Variants in MAGI1 observed in about 807,000 individuals in gnomAD.
The protein encoded by MAGI1 is membrane-associated guanylate kinase, WW and PDZ domain-containing protein 1.
In MAGI1, 58 loss-of-function variants were observed where a neutral mutation model predicts 139.9. The observed-to-expected ratio is 0.41, with a 90% CI of 0.34 to 0.52. The LOEUF is 0.52. Ranked by LOEUF, MAGI1 falls within the 20% of genes least tolerant of loss-of-function variation. MAGI1 has a pLI of 0.12. For missense variants in MAGI1, 1,874 were observed against 1,901.6 expected, an observed-to-expected ratio of 0.99 and a Z score of 0.27; for synonymous variants, 812 against 737.9, an observed-to-expected ratio of 1.10 and a Z score of -1.63.
chr3:65,571,787 C>T lies in MAGI1; in HGVS notation c.430+50185G>A, dbSNP rs192062845. ...CACTGGCCTCTGTGTTTGATTTTGT[C>T]CCATTAATAATGTGCACATGTATTA... On this transcript the variant is annotated intron_variant, in intron 2 of 22. Transcript: ENST00000402939. Among the ~76,000 whole-genome samples the T allele has an allele frequency of 3.0e-3, 457 of 151,992 alleles. 1 individual carries two copies. Among genetic ancestry groups the T allele is most frequent in the Non-Finnish European group, 5.5e-3 (375 of 67,960 alleles).
At chr3:65,864,510 GCGAGACGGCAGA>G in intron 1 of MAGI1, among the ~76,000 whole-genome samples, 1 of 152,372 alleles carries the variant, frequency 6.6e-6, no homozygotes, top group South Asian at 2.1e-4. Context: ...CCACCCGTCA[GCGAGACGGCAGA>G]CTCCATGTCA....
chr3:65,738,229 T>C (rs558677183), intron 1 of MAGI1, among the ~76,000 whole-genome samples: 2 of 152,358 alleles, frequency 1.3e-5, no homozygotes, highest in South Asian at 4.1e-4. Context: ...GTCACATAAA[T>C]TTTTTGGTTT....
chr3:65,524,398 C>T (rs1174087239), intron 2 of MAGI1, among the ~76,000 whole-genome samples: 1 of 152,196 alleles, frequency 6.6e-6, no homozygotes, highest in South Asian at 2.1e-4. Flanking sequence ...TAGAAAGTTT[C>T]TCTCACACAG....
At chr3:65,395,399 T>C (rs1209406683) in intron 13 of MAGI1, among the ~76,000 whole-genome samples, 2 of 151,774 alleles carry the variant, frequency 1.3e-5, no homozygotes, top group Admixed American at 6.6e-5. Context: ...CCCAGCACTT[T>C]GGGAGGCCGA....
intron 3 of MAGI1, among the ~76,000 whole-genome samples, chr3:65,486,862 T>C (rs1000974883): frequency 7.2e-5 from 11 of 152,186 alleles, no homozygotes; most frequent in Non-Finnish European, 1.0e-4. Flanking sequence ...ACCCCAATTA[T>C]AGTATTTTTT....
intron 1 of MAGI1, among the ~76,000 whole-genome samples, chr3:65,765,537 G>A (rs2037399098): frequency 1.3e-5 from 2 of 152,202 alleles, no homozygotes; most frequent in Non-Finnish European, 2.9e-5. Flanking sequence ...TTTAGCTAGA[G>A]AGTTGGAAGA....
At chr3:65,890,106 C>T (rs1327560282) in intron 1 of MAGI1, among the ~76,000 whole-genome samples, 1 of 134,498 alleles carries the variant, frequency 7.4e-6, no homozygotes, top group Non-Finnish European at 1.5e-5. Context: ...TGGCTCACGC[C>T]TGTAATCCCG....
chr3:65,640,165 T>G (rs1271952751), intron 1 of MAGI1, among the ~76,000 whole-genome samples: 1 of 151,948 alleles, frequency 6.6e-6, no homozygotes, highest in African/African-American at 2.4e-5. Context: ...GGTCTTGGGA[T>G]GTGCCAGTCT....
At chr3:66,027,319 A>T (rs902850107) in intron 1 of MAGI1, among the ~76,000 whole-genome samples, 1 of 151,458 alleles carries the variant, frequency 6.6e-6, no homozygotes, top group Admixed American at 6.6e-5. Context: ...TAAATAATAA[A>T]AAAAGAGAGG....
chr3:65,437,057 TG>T (rs1947906404), intron 10 of MAGI1, 97 bp downstream of exon 10: 4 of 647,766 alleles, frequency 6.2e-6, no homozygotes, highest in Non-Finnish European at 1.0e-5. Flanking sequence ...ATCAAAGGAA[TG>T]ACTTGGGAGT....
At position 65,875,990 on chromosome 3, in the gene MAGI1, C is replaced by A. The variant is rs567132610; in HGVS notation, c.313+162006G>T. ...AGTAAGAGGGAGGAAACCAAGCATTCGTTTTTTAAGGGACTGATGGATTCT... is the reference window on the plus strand; with the variant it reads ...AGTAAGAGGGAGGAAACCAAGCATTAGTTTTTTAAGGGACTGATGGATTCT... On this transcript the variant is annotated intron_variant, in intron 1 of 22. Coordinates refer to ENST00000402939, the MANE Select transcript of MAGI1 (RefSeq NM_001033057.2). Among the ~76,000 whole-genome samples, 4 of 152,110 alleles carry A rather than the reference C, an allele frequency of 2.6e-5. No homozygotes were observed. The South Asian group carries it at 8.3e-4, about 32-fold the overall frequency.
chr3:65,760,213 G>C (rs757859534), intron 1 of MAGI1, among the ~76,000 whole-genome samples: 2 of 151,330 alleles, frequency 1.3e-5, no homozygotes, highest in Non-Finnish European at 2.9e-5. Context: ...TCTATGTCTA[G>C]CTCACAGGAG....
chr3:65,714,997 G>A (rs1307854930), intron 1 of MAGI1, among the ~76,000 whole-genome samples: 1 of 151,450 alleles, frequency 6.6e-6, no homozygotes, highest in East Asian at 1.9e-4. Flanking sequence ...TGGTGACAAA[G>A]ATATAAGATG....
chr3:65,501,650 T>C (rs972415609), intron 2 of MAGI1, among the ~76,000 whole-genome samples: 1 of 152,052 alleles, frequency 6.6e-6, no homozygotes, highest in Non-Finnish European at 1.5e-5. Flanking sequence ...GTTTGGCAGT[T>C]AGTTAAAAAG....
intron 1 of MAGI1, among the ~76,000 whole-genome samples, chr3:65,696,754 G>C (rs1440678919): frequency 6.6e-6 from 1 of 151,924 alleles, no homozygotes; most frequent in Non-Finnish European, 1.5e-5. Flanking sequence ...ATATAATAAA[G>C]AAACAAGAAT....
intron 5 of MAGI1, among the ~76,000 whole-genome samples, chr3:65,465,505 G>T (rs548864327): frequency 6.6e-6 from 1 of 151,978 alleles, no homozygotes; most frequent in Non-Finnish European, 1.5e-5. Context: ...ATTTTCACTG[G>T]ATGTAGAATT....
intron 2 of MAGI1, among the ~76,000 whole-genome samples, chr3:65,533,100 T>C (rs1237710048): frequency 2.6e-5 from 4 of 152,152 alleles, no homozygotes; most frequent in African/African-American, 9.7e-5. Context: ...AGCTCCTGGA[T>C]TGCAAAAAGA....
rs908365454 is a variant in MAGI1, at chr3:65,574,566, A to T, written c.430+47406T>A. 3.9e-5 allele frequency among the ~76,000 whole-genome samples: 6 copies of T among 152,100 alleles called. No individual in the cohort carries two copies. The East Asian group carries it at 5.8e-4, about 15-fold the overall frequency. On this transcript the variant is annotated intron_variant, in intron 2 of 22. Coordinates refer to ENST00000402939, the MANE Select transcript of MAGI1 (RefSeq NM_001033057.2). Reference sequence around the variant, plus strand: ...ATATCTAGATATTCAACGCAATCCCAACCAAAATCCTACCATACGTTTTGT... The same window carrying T: ...ATATCTAGATATTCAACGCAATCCCTACCAAAATCCTACCATACGTTTTGT...
At chr3:65,967,557 A>G (rs1342454243) in intron 1 of MAGI1, among the ~76,000 whole-genome samples, 1 of 152,222 alleles carries the variant, frequency 6.6e-6, no homozygotes, top group Non-Finnish European at 1.5e-5. Flanking sequence ...AGAGAAGCAG[A>G]TGGGCTGTAA....
Sources: gnomAD v4.1 joint callset for allele counts (sites outside exome capture counted in the v4.1 genomes callset) on GRCh38, gnomAD v4.1.1 for gene constraint, MANE v1.5 for transcripts, NCBI Gene and HGNC (gene_info 2026-07-23, HGNC 2026-07-21) for gene names.